APC: variants seen among roughly 807,000 people sequenced by gnomAD.
APC encodes adenomatous polyposis coli protein.
A neutral mutation model predicts 247.0 loss-of-function variants in APC; 72 were observed. The ratio of observed to expected loss-of-function variants is 0.29; its 90% CI spans 0.24 to 0.35. The LOEUF (loss-of-function observed/expected upper bound fraction) is 0.35, where lower values mean the gene tolerates loss of function less well. Ranked by LOEUF, APC falls within the 10% of genes least tolerant of loss-of-function variation. The probability of loss-of-function intolerance (pLI) is 1.00; values close to 1 mark genes in which losing one functional copy is unlikely to be tolerated. For missense variants in APC, 3,400 were observed against 3,360.7 expected (o/e 1.01, Z -0.29); for synonymous variants, 1,254 against 1,162.5 (o/e 1.08, Z -1.60).
intron 8 of APC, among the ~76,000 whole-genome samples, chr5:112,813,593 G>C (rs750942007): frequency 6.6e-6 from 1 of 151,944 alleles, no homozygotes; most frequent in Non-Finnish European, 1.5e-5. Context: ...AACAGTTTAC[G>C]TTGCTAGCTA....
At chr5:112,731,756 T>C (rs181541717) in intron 1 of APC, among the ~76,000 whole-genome samples, 4 of 152,188 alleles carry the variant, frequency 2.6e-5, no homozygotes, top group African/African-American at 9.7e-5. Context: ...TTCTGGGTTT[T>C]TTTGGTTTTG....
In APC at chr5:112,837,812, G is replaced by C. The variant is rs587781394; in HGVS notation, c.2218G>C (p.Ala740Pro). The C allele has an allele frequency of 1.5e-5, 25 of 1,613,860 alleles. No homozygotes were observed. The highest frequency in any genetic ancestry group is 2.0e-5 in the Non-Finnish European group (24 of 1,180,012). Residue 740 changes from alanine to proline, a missense_variant, in exon 16 of 16, where the codon GCC becomes CCC. Transcript: ENST00000257430. ...AAATAGGCCTGCGAAGTACAAGGAT[G>C]CCAATATTATGTCTCCTGGCTCAAG... ...MANRPAKYKD[A>P]NIMSPGSSLP...
At chr5:112,708,892 G>T (rs563833474) in intron 1 of APC, among the ~76,000 whole-genome samples, 11 of 152,158 alleles carry the variant, frequency 7.2e-5, no homozygotes, top group Admixed American at 7.2e-4. Context: ...AGAATTACTG[G>T]TGTAAAAAAC....
rs113367060 is a variant in APC, at chr5:112,722,163, C to T, written c.165+14281C>T. On this transcript the variant is annotated intron_variant, in intron 1 of 13. Coordinates refer to the APC transcript ENST00000507379. Reference sequence around the variant, plus strand: ...AAGAGTTTGAAGTTACAGGGGAGTTCGTTGATTAATTTATTGTACATTCAT... The same window carrying T: ...AAGAGTTTGAAGTTACAGGGGAGTTTGTTGATTAATTTATTGTACATTCAT... Among the ~76,000 whole-genome samples, 786 of 152,184 alleles carry T rather than the reference C, an allele frequency of 5.2e-3. 9 individuals are homozygous for T. The highest frequency in any genetic ancestry group is 0.018 in the African/African-American group (733 of 41,492).
Position 112,838,944 on chromosome 5 carries a change from C to T in APC, c.3350C>T (p.Ser1117Phe), listed in dbSNP as rs765071003. 6.2e-7 allele frequency: 1 copy of T among 1,613,978 alleles called. No individual in the cohort carries two copies. The highest frequency in any genetic ancestry group is 2.2e-5 in the East Asian group (1 of 44,870). ...ANGSETNRVG[S>F]NHGINQNVSQ... is the part of the protein sequence containing the mutation. ...GGTTCAGAAACAAATCGAGTGGGTT[C>T]TAATCATGGAATTAATCAAAATGTA... Residue 1117 changes from serine to phenylalanine, a missense_variant, in exon 16 of 16, where the codon TCT (serine) becomes TTT (phenylalanine). Coordinates refer to ENST00000257430, the MANE Select transcript of APC (RefSeq NM_000038.6).
intron 15 of APC, 84 bp from the exon 16 acceptor site, chr5:112,837,469 T>C (rs889447823): frequency 1.1e-6 from 1 of 947,578 alleles, no homozygotes; most frequent in Admixed American, 2.0e-5. Flanking sequence ...AATCATATTA[T>C]GCCTTTTGTC....
At chr5:112,726,840 TATAAA>T (rs1270219916) in intron 1 of APC, among the ~76,000 whole-genome samples, 1 of 152,166 alleles carries the variant, frequency 6.6e-6, no homozygotes, top group African/African-American at 2.4e-5. Context: ...TAAAAAGACT[TATAAA>T]GTAAATATGA....
chr5:112,805,844 T>C (rs560229993), intron 8 of APC, among the ~76,000 whole-genome samples: 19 of 152,334 alleles, frequency 1.2e-4, no homozygotes, highest in African/African-American at 4.6e-4. Context: ...GAATGTATTC[T>C]ACCGCTTCTC....
In APC at chr5:112,843,735, G is replaced by C. The variant is rs747362422; in HGVS notation, c.8141G>C (p.Arg2714Pro). The C allele has an allele frequency of 1.2e-6, 2 of 1,614,006 alleles. No homozygotes were observed. Among genetic ancestry groups the C allele is most frequent in the East Asian group, 2.2e-5 (1 of 44,884 alleles). The change falls in exon 16 of 16, where the codon CGT (arginine) becomes CCT (proline). Residue 2714 changes from arginine (R) to proline (P), a missense_variant. Physicochemically the swap from Arg to Pro is moderately radical, Grantham distance 103. Transcript: ENST00000257430. This position sits in a 1 kb window ranked among gnomAD's most constrained non-coding sequence, Gnocchi z 4.8. ...GTGGGTAATGGCAGTGTTCCCATGC[G>C]TACCGTGGGTTTGGAAAATCGCCTG... ...QNVGNGSVPM[R>P]TVGLENRLNS...
chr5:112,825,811 A>G (rs1763601426), intron 11 of APC, among the ~76,000 whole-genome samples: 3 of 152,206 alleles, frequency 2.0e-5, no homozygotes, highest in South Asian at 2.1e-4. Context: ...AAGTCCACCT[A>G]TTATATCACC....
At chr5:112,729,122 A>T (rs1403747978) in intron 1 of APC, among the ~76,000 whole-genome samples, 2 of 152,218 alleles carry the variant, frequency 1.3e-5, no homozygotes, top group Admixed American at 6.5e-5. Flanking sequence ...CTTCTAGATT[A>T]TAAATTGTCT....
chr5:112,744,243 T>C (rs941254457), intron 1 of APC, among the ~76,000 whole-genome samples: 1 of 152,220 alleles, frequency 6.6e-6, no homozygotes, highest in Non-Finnish European at 1.5e-5. Flanking sequence ...ACCTTGTGGA[T>C]AACAAGGCAT....
In APC at chr5:112,841,512, G is replaced by A. The variant is rs4987109; in HGVS notation, c.5918G>A (p.Ser1973Asn). Reference protein sequence around the residue: ...FSHNSSLSSLSDIDQENNNKE... With the variant: ...FSHNSSLSSLNDIDQENNNKE... ...CATAATTCCTCTCTGAGTTCTCTCA[G>A]TGACATTGACCAAGAAAACAACAAT... Residue 1973 changes from serine (S) to asparagine (N), a missense_variant, in exon 16 of 16, where the codon AGT becomes AAT. By Grantham distance (46) the Ser-to-Asn change is conservative. Coordinates refer to ENST00000257430, the MANE Select transcript of APC (RefSeq NM_000038.6). This position sits in a 1 kb window ranked among gnomAD's most constrained non-coding sequence, Gnocchi z 4.6. 1 of 1,613,736 alleles carries A rather than the reference G, an allele frequency of 6.2e-7. No homozygotes were observed. Among genetic ancestry groups the A allele is most frequent in the Admixed American group, 1.7e-5 (1 of 59,964 alleles).
At position 112,839,310 on chromosome 5, in the gene APC, G is replaced by T. The variant is rs754067085; in HGVS notation, c.3716G>T (p.Arg1239Ile). 1 of 1,613,948 alleles carries T rather than the reference G, an allele frequency of 6.2e-7. No homozygotes were observed. Among genetic ancestry groups the T allele is most frequent in the Non-Finnish European group, 8.5e-7 (1 of 1,179,908 alleles). The change falls in exon 16 of 16, where the codon AGA becomes ATA. Residue 1239 changes from arginine (R) to isoleucine (I), a missense_variant. Around this residue, in one of 9 missense-constraint regions of APC, gnomAD observed 715 missense variants for 656.6 expected, o/e 1.09. Coordinates refer to ENST00000257430, the MANE Select transcript of APC (RefSeq NM_000038.6). This position sits in a 1 kb window ranked among gnomAD's most constrained non-coding sequence, Gnocchi z 5.0. ...NQLHPSSAQS[R>I]SGQPQKAATC... Reference sequence around the variant, plus strand: ...CTCCATCCAAGTTCTGCACAGAGTAGAAGTGGTCAGCCTCAAAAGGCTGCC... The same window carrying T: ...CTCCATCCAAGTTCTGCACAGAGTATAAGTGGTCAGCCTCAAAAGGCTGCC...
chr5:112,764,030 G>C (rs759167041), intron 2 of APC, among the ~76,000 whole-genome samples: 5 of 150,984 alleles, frequency 3.3e-5, no homozygotes, highest in Non-Finnish European at 5.9e-5. Context: ...GATGTCAGGA[G>C]ATCGAGACCA....
chr5:112,723,436 T>C (rs1436386954), intron 1 of APC, among the ~76,000 whole-genome samples: 1 of 151,744 alleles, frequency 6.6e-6, no homozygotes, highest in African/African-American at 2.4e-5. Context: ...CACTCCAGCC[T>C]GGGGTGACAG....
intron 8 of APC, among the ~76,000 whole-genome samples, chr5:112,809,866 G>A (rs1244086168): frequency 4.6e-5 from 7 of 152,016 alleles, no homozygotes; most frequent in South Asian, 2.1e-4. Flanking sequence ...GCGTGGCAGC[G>A]CGTGCCTGTA....
At chr5:112,826,014 A>G (rs1763622483) in intron 11 of APC, among the ~76,000 whole-genome samples, 1 of 152,240 alleles carries the variant, frequency 6.6e-6, no homozygotes, top group African/African-American at 2.4e-5. Context: ...CATGTCTGTC[A>G]TTCCTGCTAG....
chr5:112,815,956 C>G (rs1031175863), intron 9 of APC, among the ~76,000 whole-genome samples: 1 of 152,158 alleles, frequency 6.6e-6, no homozygotes. Flanking sequence ...TTTTATACAA[C>G]GAAGCATAAA....
Sources: allele counts gnomAD v4.1 joint callset (sites outside exome capture counted in the v4.1 genomes callset), GRCh38; gene constraint gnomAD v4.1.1; regional missense constraint gnomAD v4.1.1; non-coding constraint Gnocchi (gnomAD v3.1); transcripts MANE v1.5; gene names NCBI Gene and HGNC (gene_info 2026-07-23, HGNC 2026-07-21).